Variants in NBPF19 observed in about 807,000 individuals in gnomAD.
NBPF19 encodes NBPF member 19, also known as NBPF family member NBPF19.
A neutral mutation model predicts 45.9 loss-of-function variants in NBPF19; 30 were observed. That is an observed-to-expected ratio of 0.65 (90% CI 0.49 to 0.89). The LOEUF (loss-of-function observed/expected upper bound fraction) is 0.89, where lower values mean the gene tolerates loss of function less well. Among genes scored for constraint, NBPF19 ranks in the 40% least tolerant of loss-of-function variants. The pLI is 0.00. For missense variants in NBPF19, 495 were observed against 471.8 expected, an observed-to-expected ratio of 1.05 and a Z score of -0.46; for synonymous variants, 183 against 181.2, an observed-to-expected ratio of 1.01 and a Z score of -0.08.
chr1:149,487,230 C>T, intron 8 of NBPF19, 102 bp from the exon 9 acceptor site: 1 of 840,032 alleles, frequency 1.2e-6, no homozygotes, highest in Non-Finnish European at 2.0e-6. Context: ...CCTGTTCTCA[C>T]ACTGACAAGA....
At chr1:149,486,504 G>T (rs1175960137) in intron 8 of NBPF19, among the ~76,000 whole-genome samples, 1 of 151,202 alleles carries the variant, frequency 6.6e-6, no homozygotes, top group South Asian at 2.1e-4. Context: ...CTAGTCTCAG[G>T]CCATGCCTGT....
Position 149,490,921 on chromosome 1 carries a change from C to T in NBPF19, c.1491-218C>T, listed in dbSNP as rs1456617595. Among the ~76,000 whole-genome samples the T allele has an allele frequency of 1.0e-3, 126 of 125,974 alleles. 11 individuals are homozygous for T. Among genetic ancestry groups the T allele is most frequent in the African/African-American group, 3.4e-3 (106 of 31,606 alleles). 82.6% of individuals were successfully genotyped at this position (125,974 alleles called of 152,430 possible). ...CTCTGTGTGTGTGTGTGTGTGTGTG[C>T]GTGTGTGTGTGTGTGTGTGTGTGTC... is the stretch of plus-strand genomic sequence containing the variant. On this transcript the variant is annotated intron_variant, in intron 13 of 93. Transcript: ENST00000651566.
Position 149,490,423 on chromosome 1 carries a change from C to A in NBPF19, c.1439-20C>A. 3 of 92,794 alleles carry A rather than the reference C, an allele frequency of 3.2e-5. No homozygotes were observed. Among genetic ancestry groups the A allele is most frequent in the Non-Finnish European group, 1.8e-5 (1 of 56,326 alleles). 5.7% of individuals were successfully genotyped at this position (92,794 alleles called of 1,614,324 possible). The stretch of plus-strand genomic sequence containing the variant: ...GGTGAATTGGCTTATTTTGTCTGTC[C>A]CTGTCTGAATGTATTGCAGGAATTA... On this transcript the variant is annotated intron_variant, in intron 12 of 93. Coordinates refer to ENST00000651566, the MANE Select transcript of NBPF19 (RefSeq NM_001351365.2).
chr1:149,556,033 C>G lies in NBPF19; in HGVS notation c.*1295C>G, dbSNP rs1490422798. The G allele has an allele frequency of 1.1e-3, 153 of 141,512 alleles. No individual in the cohort carries two copies. The highest frequency in any genetic ancestry group is 4.1e-3 in the African/African-American group (147 of 35,930). 8.8% of individuals were successfully genotyped at this position (141,512 alleles called of 1,614,324 possible). A position where few individuals can be genotyped will look rare whatever the true frequency, so the allele number is the denominator to read the frequency against. The stretch of plus-strand genomic sequence containing the variant: ...TTCAAGAGTATAAATATCCTGTATT[C>G]TAATGATCATCCTCTAAACATTTTA... On this transcript the variant is annotated 3_prime_UTR_variant, in exon 94 of 94. Transcript: ENST00000651566.
At chr1:149,483,512 G>A (rs1206507867) in intron 7 of NBPF19, among the ~76,000 whole-genome samples, 1 of 137,978 alleles carries the variant, frequency 7.2e-6, no homozygotes, top group African/African-American at 2.7e-5. Context: ...TTTTAACTGG[G>A]GCATTTAGCC....
chr1:149,478,826 AACGGATC>A (rs2085003428), intron 3 of NBPF19, 47 bp from the exon 4 acceptor site: 1 of 1,408,184 alleles, frequency 7.1e-7, no homozygotes, highest in African/African-American at 1.4e-5. Flanking sequence ...GCAATATTTG[AACGGATC>A]ACTCAACCCT....
At chr1:149,487,263 G>C (rs1374648786) in intron 8 of NBPF19, 69 bp from the exon 9 acceptor site, 5 of 1,151,496 alleles carry the variant, frequency 4.3e-6, no homozygotes, top group Non-Finnish European at 5.2e-6. Context: ...TGTTAGGATT[G>C]GACAGAGGAA....
chr1:149,488,232 G>A, intron 10 of NBPF19, 47 bp downstream of exon 10: 3 of 576,504 alleles, frequency 5.2e-6, no homozygotes, highest in Admixed American at 3.1e-5. Flanking sequence ...GAGTCTTCTG[G>A]TTAGGGTCAT....
intron 13 of NBPF19, among the ~76,000 whole-genome samples, 164 bp from the exon 14 acceptor site, chr1:149,490,975 G>C (rs2085841374): frequency 7.9e-6 from 1 of 127,020 alleles, no homozygotes; most frequent in East Asian, 2.7e-4. Context: ...TTTTCCATTT[G>C]GCCCTGTTCT....
Position 149,554,856 on chromosome 1 carries a change from A to G in NBPF19, c.*118A>G, listed in dbSNP as rs2087209262. On this transcript the variant is annotated 3_prime_UTR_variant, in exon 94 of 94. Coordinates refer to ENST00000651566, the MANE Select transcript of NBPF19 (RefSeq NM_001351365.2). ...CCAGACATAGGATGGGTCAGTGGGCATGGCTCTTTTCCTATTCTCAAACCA... is the reference window on the plus strand; with the variant it reads ...CCAGACATAGGATGGGTCAGTGGGCGTGGCTCTTTTCCTATTCTCAAACCA... The G allele has an allele frequency of 4.5e-6, 7 of 1,541,708 alleles. No homozygotes were observed. The highest frequency in any genetic ancestry group is 2.2e-5 in the East Asian group (1 of 44,450).
intron 93 of NBPF19, 69 bp from the exon 94 acceptor site, chr1:149,554,426 G>A: frequency 3.7e-6 from 6 of 1,607,066 alleles, no homozygotes; most frequent in Non-Finnish European, 5.1e-6. Context: ...TGTGACTTCT[G>A]AAATCTAGTG....
intron 9 of NBPF19, 109 bp downstream of exon 9, chr1:149,487,492 T>A (rs2085615207): frequency 2.0e-6 from 2 of 997,192 alleles, no homozygotes; most frequent in Non-Finnish European, 3.2e-6. Flanking sequence ...GTCAGACAAG[T>A]CTGAATTATG....
At position 149,487,922 on chromosome 1, in the gene NBPF19, A is replaced by C. The variant is rs1485601743; in HGVS notation, c.1041-91A>C. On this transcript the variant is annotated intron_variant, in intron 9 of 93. Coordinates refer to ENST00000651566, the MANE Select transcript of NBPF19 (RefSeq NM_001351365.2). Reference sequence around the variant, plus strand: ...ATGGATCTCTCCTTTTTCTTTTCAAACTCTTCCTTATGTTAGCCATGAAAT... The same window carrying C: ...ATGGATCTCTCCTTTTTCTTTTCAACCTCTTCCTTATGTTAGCCATGAAAT... The C allele has an allele frequency of 9.6e-6, 7 of 731,718 alleles. No homozygotes were observed. In the African/African-American group the frequency reaches 1.1e-4, roughly 11 times the overall value. 45.3% of individuals were successfully genotyped at this position (731,718 alleles called of 1,614,324 possible).
chr1:149,487,488 C>G (rs2085614365), intron 9 of NBPF19, 105 bp downstream of exon 9: 10 of 1,004,178 alleles, frequency 1.0e-5, no homozygotes, highest in Non-Finnish European at 3.1e-6. Context: ...TCTTGTCAGA[C>G]AAGTCTGAAT....
At chr1:149,483,623 C>A (rs1399179188) in intron 7 of NBPF19, among the ~76,000 whole-genome samples, 3 of 149,792 alleles carry the variant, frequency 2.0e-5, no homozygotes, top group Non-Finnish European at 4.5e-5. Context: ...TTCTTCCTAG[C>A]GTCAATGGTC....
At position 149,554,446 on chromosome 1, in the gene NBPF19, G is replaced by C. The variant is rs1304471069; in HGVS notation, c.11289-49G>C. ...CTTCTGAAATCTAGTGGGGCTCTGTGGTGTCTGATTTTCCCTGGCTGCTTC... is the reference window on the plus strand; with the variant it reads ...CTTCTGAAATCTAGTGGGGCTCTGTCGTGTCTGATTTTCCCTGGCTGCTTC... On this transcript the variant is annotated intron_variant, in intron 93 of 93. Transcript: ENST00000651566. The C allele has an allele frequency of 7.7e-5, 124 of 1,607,640 alleles. 6 individuals are homozygous for C. The South Asian group carries it at 8.8e-4, about 11-fold the overall frequency.
rs1463380028 is a variant in NBPF19 at position 149,554,922 on chromosome 1, C to T, written c.*184C>T. 6.5e-6 allele frequency: 7 copies of T among 1,081,622 alleles called. 1 individual carries two copies. The highest frequency in any genetic ancestry group is 1.5e-5 in the South Asian group (1 of 65,490). 67.0% of individuals were successfully genotyped at this position (1,081,622 alleles called of 1,614,324 possible). On this transcript the variant is annotated 3_prime_UTR_variant, in exon 94 of 94. Transcript: ENST00000651566. ...GTGCTCAGTCTGAAGACAATGGACC[C>T]ACGTTAGGTGTGACACGTTCACATA...
rs1218313162 is a variant in NBPF19 at position 149,514,718 on chromosome 1, T to C, written c.5151-218T>C. 4.5e-3 allele frequency among the ~76,000 whole-genome samples: 330 copies of C among 72,770 alleles called. 1 individual carries two copies. Among genetic ancestry groups the C allele is most frequent in the African/African-American group, 0.012 (266 of 21,498 alleles). The allele number at this position is 72,770 out of a possible 152,430, so 47.7% of individuals were successfully genotyped here. ...CTGTGTGTGTGTGTGTGTGTGTGTG[T>C]GTGTGTGTGTGTGTGTGTGTCTATC... is the stretch of plus-strand genomic sequence containing the variant. On this transcript the variant is annotated intron_variant, in intron 43 of 93. Transcript: ENST00000651566.
chr1:149,477,721 TC>T (rs1190457617), intron 2 of NBPF19, among the ~76,000 whole-genome samples: 1 of 151,252 alleles, frequency 6.6e-6, no homozygotes, highest in African/African-American at 2.4e-5. Context: ...CTTGTCAACT[TC>T]CTTGATGCGC....
Sources: gnomAD v4.1 joint callset for allele counts (sites outside exome capture counted in the v4.1 genomes callset) on GRCh38, gnomAD v4.1.1 for gene constraint, MANE v1.5 for transcripts, NCBI Gene and HGNC (gene_info 2026-07-23, HGNC 2026-07-21) for gene names.